CHURC1: variants seen among roughly 807,000 people sequenced by gnomAD.
CHURC1 encodes the protein churchill domain containing 1.
A neutral mutation model predicts 15.4 loss-of-function variants in CHURC1; 12 were observed. That is an observed-to-expected ratio of 0.78 (90% confidence interval 0.50 to 1.27). The LOEUF (loss-of-function observed/expected upper bound fraction) is 1.27, where lower values mean the gene tolerates loss of function less well. Ranked by LOEUF, CHURC1 falls within the 50% of genes most tolerant of loss-of-function variation. The pLI is 0.00. For missense variants in CHURC1, 132 were observed against 137.8 expected (o/e 0.96, Z 0.21); for synonymous variants, 42 against 47.5 (o/e 0.88, Z 0.48).
intron 3 of CHURC1, among the ~76,000 whole-genome samples, chr14:64,931,917 A>G (rs1355894857): frequency 1.3e-5 from 2 of 152,268 alleles, no homozygotes; most frequent in African/African-American, 2.4e-5. Context: ...AGAAATAGCC[A>G]TGTATTTCCA....
chr14:64,930,799 G>T, intron 3 of CHURC1: 1 of 452,862 alleles, frequency 2.2e-6, no homozygotes, highest in Non-Finnish European at 4.4e-6. Context: ...TCCTGTAAAA[G>T]GTTGCCATCC....
chr14:64,914,607 G>C (rs1407939868), intron 1 of CHURC1, 73 bp downstream of exon 1: 3 of 1,603,852 alleles, frequency 1.9e-6, no homozygotes, highest in Non-Finnish European at 2.6e-6. Context: ...GGCCTTCCCA[G>C]AGAGGCCGTA....
intron 1 of CHURC1, among the ~76,000 whole-genome samples, chr14:64,921,085 C>T (rs1192902549): frequency 6.6e-6 from 1 of 152,118 alleles, no homozygotes; most frequent in Admixed American, 6.6e-5. Context: ...TACAAAAGCA[C>T]CATTGTAATT....
chr14:64,924,815 G>A (rs576027383), intron 2 of CHURC1, among the ~76,000 whole-genome samples: 2 of 152,312 alleles, frequency 1.3e-5, no homozygotes, highest in East Asian at 3.9e-4. Context: ...ATTGTGAGAA[G>A]TATTTAACTG....
At chr14:64,924,221 T>C (rs1046003489) in intron 2 of CHURC1, 95 bp downstream of exon 2, 1 of 1,397,216 alleles carries the variant, frequency 7.2e-7, no homozygotes, top group African/African-American at 1.4e-5. Context: ...CCTATTTCAA[T>C]ATTGTATTGC....
At chr14:64,925,811 C>CA (rs1294201122) in intron 2 of CHURC1, among the ~76,000 whole-genome samples, 199 bp from the exon 3 acceptor site, 2 of 140,888 alleles carry the variant, frequency 1.4e-5, no homozygotes, top group African/African-American at 5.7e-5. Context: ...AGCTCAGACT[C>CA]AGAATTATGT....
At chr14:64,928,005 C>T (rs535754907) in intron 3 of CHURC1, among the ~76,000 whole-genome samples, 5 of 152,238 alleles carry the variant, frequency 3.3e-5, no homozygotes, top group African/African-American at 1.2e-4. Flanking sequence ...TTTCAAGGTT[C>T]TCACTGGACT....
chr14:64,929,994 A>G (rs1205569268), intron 3 of CHURC1, among the ~76,000 whole-genome samples: 1 of 151,974 alleles, frequency 6.6e-6, no homozygotes, highest in Non-Finnish European at 1.5e-5. Flanking sequence ...ACAAGACAGA[A>G]ACTATGAGAC....
intron 1 of CHURC1, among the ~76,000 whole-genome samples, chr14:64,917,311 C>G (rs1223173533): frequency 1.3e-5 from 2 of 152,156 alleles, no homozygotes; most frequent in Non-Finnish European, 2.9e-5. Flanking sequence ...GCCTATAATC[C>G]CAGCACTTTG....
chr14:64,926,113 G>A, intron 3 of CHURC1, 33 bp downstream of exon 3: 4 of 1,420,854 alleles, frequency 2.8e-6, no homozygotes, highest in Non-Finnish European at 3.8e-6. Context: ...ATATAAATAT[G>A]GGGAGGTTAG....
chr14:64,927,732 T>TCCCCCCCC (rs1566830855), intron 3 of CHURC1, among the ~76,000 whole-genome samples: 52 of 106,588 alleles, frequency 4.9e-4, no homozygotes, highest in Non-Finnish European at 6.8e-4. Flanking sequence ...CCCCCCGCCG[T>TCCCCCCCC]CAATTCATAC....
At chr14:64,927,528 A>G (rs1487708646) in intron 3 of CHURC1, among the ~76,000 whole-genome samples, 1 of 152,178 alleles carries the variant, frequency 6.6e-6, no homozygotes, top group Non-Finnish European at 1.5e-5. Flanking sequence ...TAAATTAGCT[A>G]GACCAAAGTC....
intron 3 of CHURC1, among the ~76,000 whole-genome samples, chr14:64,931,785 T>A (rs1253421070): frequency 6.6e-6 from 1 of 152,230 alleles, no homozygotes; most frequent in Non-Finnish European, 1.5e-5. Flanking sequence ...GTTTCTGTTG[T>A]GTATTAGTGT....
In CHURC1 at chr14:64,932,216, A is replaced by G. The variant is rs1377122117; in HGVS notation, c.325A>G (p.Thr109Ala). 1 of 1,613,854 alleles carries G rather than the reference A, an allele frequency of 6.2e-7. No homozygotes were observed. Among genetic ancestry groups the G allele is most frequent in the Non-Finnish European group, 8.5e-7 (1 of 1,179,880 alleles). Residue 109 changes from threonine to alanine, a missense_variant, in exon 4 of 4, where the codon ACT (threonine) becomes GCT (alanine). Thr to Ala is a moderately conservative substitution (Grantham distance 58). Transcript: ENST00000549115. ...SILPDDPRQM[T>A]LLF The stretch of plus-strand genomic sequence containing the variant: ...TCTCCCTGATGACCCCCGACAAATG[A>G]CTCTCTTATTCTAAGGATCCTTCTA...
Position 64,934,872 on chromosome 14 carries a change from T to A in CHURC1, c.*2642T>A, listed in dbSNP as rs1885253312. Reference sequence around the variant, plus strand: ...GTTTTGGACTATATGTTACAAAAATTTAAAACATAAGATCCTCTCTCTATA... The same window carrying A: ...GTTTTGGACTATATGTTACAAAAATATAAAACATAAGATCCTCTCTCTATA... On this transcript the variant is annotated 3_prime_UTR_variant, in exon 4 of 4. Transcript: ENST00000549115. 15 of 984,502 alleles carry A rather than the reference T, an allele frequency of 1.5e-5. No individual in the cohort carries two copies. Among genetic ancestry groups the A allele is most frequent in the Non-Finnish European group, 1.8e-5 (15 of 829,212 alleles). 61.0% of individuals were successfully genotyped at this position (984,502 alleles called of 1,614,324 possible).
intron 2 of CHURC1, among the ~76,000 whole-genome samples, chr14:64,925,696 CAAAAAAAAA>C (rs3033506): frequency 1.1e-4 from 7 of 66,196 alleles, no homozygotes; most frequent in Non-Finnish European, 1.9e-4. Flanking sequence ...GACCCGGCCT[CAAAAAAAAA>C]AAAAAAAAAA....
Position 64,923,729 on chromosome 14 carries a change from C to T in CHURC1, c.40-262C>T, listed in dbSNP as rs915058662. ...AATATCTATTTTCAGTTTATCCTCC[C>T]TTTTCAACATAGTGGCAGTCCTTAC... On this transcript the variant is annotated intron_variant, in intron 1 of 3. Coordinates refer to ENST00000549115, the MANE Select transcript of CHURC1 (RefSeq NM_001386928.1). Among the ~76,000 whole-genome samples, 14 of 149,046 alleles carry T rather than the reference C, an allele frequency of 9.4e-5. No homozygotes were observed. The East Asian group carries it at 1.7e-3, about 19-fold the overall frequency.
chr14:64,928,341 G>A (rs1884867835), intron 3 of CHURC1, among the ~76,000 whole-genome samples: 2 of 152,152 alleles, frequency 1.3e-5, no homozygotes, highest in African/African-American at 2.4e-5. Context: ...TTGACCTCCC[G>A]TGCTCAGGCG....
chr14:64,914,582 C>G, intron 1 of CHURC1, 48 bp downstream of exon 1: 1 of 1,612,366 alleles, frequency 6.2e-7, no homozygotes, highest in Non-Finnish European at 8.5e-7. Flanking sequence ...CCCGAGGTGT[C>G]TCATATCCAA....
Sources: gnomAD v4.1 joint callset for allele counts (sites outside exome capture counted in the v4.1 genomes callset) on GRCh38, gnomAD v4.1.1 for gene constraint, MANE v1.5 for transcripts, NCBI Gene and HGNC (gene_info 2026-07-23, HGNC 2026-07-21) for gene names.